Variants in CTNNA3 observed in about 807,000 individuals in gnomAD.
CTNNA3 encodes catenin alpha-3.
In CTNNA3, 76 loss-of-function variants were observed where a neutral mutation model predicts 95.7. The ratio of observed to expected loss-of-function variants is 0.79; its 90% CI spans 0.66 to 0.96. The LOEUF is 0.96. Among genes scored for constraint, CTNNA3 ranks in the 40% least tolerant of loss-of-function variants. CTNNA3 has a pLI of 0.00. For synonymous variants in CTNNA3, 431 were observed against 374.4 expected, an observed-to-expected ratio of 1.15 and a Z score of -1.74; for missense variants, 1,191 against 1,089.8, an observed-to-expected ratio of 1.09 and a Z score of -1.31.
intron 5 of CTNNA3, among the ~76,000 whole-genome samples, chr10:67,366,041 T>C (rs1172401570): frequency 6.7e-6 from 1 of 150,018 alleles, no homozygotes; most frequent in Non-Finnish European, 1.5e-5. Context: ...GAATACTAAG[T>C]TCATGTCCTT....
At chr10:67,286,619 T>C (rs971545936) in intron 5 of CTNNA3, among the ~76,000 whole-genome samples, 1 of 152,208 alleles carries the variant, frequency 6.6e-6, no homozygotes, top group South Asian at 2.1e-4. Context: ...TATTTAAGCA[T>C]CTTTCCATTC....
intron 7 of CTNNA3, among the ~76,000 whole-genome samples, chr10:66,780,341 C>T (rs1360849608): frequency 6.6e-6 from 1 of 151,982 alleles, no homozygotes. Flanking sequence ...GAGAGATGAA[C>T]AGTGTTGAAA....
chr10:67,482,700 A>T (rs1372045563), intron 5 of CTNNA3, among the ~76,000 whole-genome samples: 1 of 152,154 alleles, frequency 6.6e-6, no homozygotes, highest in Non-Finnish European at 1.5e-5. Flanking sequence ...GCAAACAGGG[A>T]CAATTTGACT....
intron 7 of CTNNA3, among the ~76,000 whole-genome samples, chr10:66,846,975 G>C (rs1371657852): frequency 6.6e-6 from 1 of 152,142 alleles, no homozygotes; most frequent in Non-Finnish European, 1.5e-5. Flanking sequence ...ACAAACAACA[G>C]ATTCTTACAG....
At chr10:65,930,199 TAAAAAAA>T (rs71472402) in intron 17 of CTNNA3, among the ~76,000 whole-genome samples, 5 of 60,716 alleles carry the variant, frequency 8.2e-5, no homozygotes, top group African/African-American at 2.3e-4. Context: ...CAGAGCTCAG[TAAAAAAA>T]AAAAAAAAAA....
intron 5 of CTNNA3, among the ~76,000 whole-genome samples, chr10:67,476,755 T>C (rs1180219595): frequency 2.0e-5 from 3 of 150,946 alleles, no homozygotes. Flanking sequence ...CGTGGTATAG[T>C]GGGGCCCTAT....
At chr10:66,563,719 A>G (rs971304140) in intron 10 of CTNNA3, among the ~76,000 whole-genome samples, 1 of 152,072 alleles carries the variant, frequency 6.6e-6, no homozygotes, top group Non-Finnish European at 1.5e-5. Flanking sequence ...CAAAGGACAG[A>G]CAGAACTAAG....
At chr10:66,976,438 C>G (rs1392568573) in intron 7 of CTNNA3, among the ~76,000 whole-genome samples, 2 of 152,094 alleles carry the variant, frequency 1.3e-5, no homozygotes, top group Non-Finnish European at 2.9e-5. Context: ...TTCTCACCAC[C>G]ACTTCTATTC....
chr10:67,541,009 A>G (rs1840668694), intron 3 of CTNNA3, among the ~76,000 whole-genome samples: 1 of 152,052 alleles, frequency 6.6e-6, no homozygotes, highest in Non-Finnish European at 1.5e-5. Flanking sequence ...AAATAAGAGT[A>G]CATAAGTTAT....
intron 7 of CTNNA3, among the ~76,000 whole-genome samples, chr10:66,948,843 T>C (rs547724144): frequency 6.6e-6 from 1 of 152,286 alleles, no homozygotes; most frequent in South Asian, 2.1e-4. Flanking sequence ...CAGTCCAATA[T>C]AATACTTCAG....
At chr10:67,234,875 A>G (rs1276105082) in intron 5 of CTNNA3, among the ~76,000 whole-genome samples, 1 of 146,554 alleles carries the variant, frequency 6.8e-6, no homozygotes, top group Admixed American at 6.7e-5. Context: ...AATAACAGAC[A>G]AACAGAGAGC....
At chr10:65,925,736 T>G (rs1324694016) in intron 17 of CTNNA3, among the ~76,000 whole-genome samples, 2 of 152,114 alleles carry the variant, frequency 1.3e-5, no homozygotes. Context: ...TGCACTTGGC[T>G]CTTCTTGTAA....
intron 7 of CTNNA3, among the ~76,000 whole-genome samples, chr10:66,907,032 T>G (rs1846016453): frequency 6.6e-6 from 1 of 152,134 alleles, no homozygotes; most frequent in Non-Finnish European, 1.5e-5. Context: ...TACAAAAAAA[T>G]CCTACTGAGG....
intron 2 of CTNNA3, among the ~76,000 whole-genome samples, chr10:67,646,879 T>C (rs1007635513): frequency 6.6e-6 from 1 of 152,124 alleles, no homozygotes; most frequent in Non-Finnish European, 1.5e-5. Context: ...AGAGAATCAT[T>C]ATGCATATCA....
intron 11 of CTNNA3, among the ~76,000 whole-genome samples, chr10:66,467,875 T>G (rs866707738): frequency 6.6e-6 from 1 of 152,066 alleles, no homozygotes; most frequent in Non-Finnish European, 1.5e-5. Context: ...ACTACCTCCA[T>G]AGTGGTTGAA....
At chr10:66,185,631 G>T (rs2086295412) in intron 13 of CTNNA3, among the ~76,000 whole-genome samples, 1 of 152,018 alleles carries the variant, frequency 6.6e-6, no homozygotes, top group South Asian at 2.1e-4. Context: ...TACCACATTA[G>T]TGAATCTAAT....
In CTNNA3 at chr10:67,219,799, G is replaced by C; in HGVS notation, c.651C>G (p.Leu217=). ...ARASLKENSP[L]LHSICSACLE... is the part of the protein sequence containing the mutation. ...AACAAGCTGAACAAATTGAATGCAA[G>C]AGGGGAGAGTTCTCCTTCAGTGAAG... is the stretch of plus-strand genomic sequence containing the variant. The change falls in exon 6 of 18, where the codon CTC becomes CTG. Residue 217 remains leucine (L), a synonymous_variant. Transcript: ENST00000433211. 1 of 1,614,082 alleles carries C rather than the reference G, an allele frequency of 6.2e-7. No homozygotes were observed.
intron 12 of CTNNA3, among the ~76,000 whole-genome samples, chr10:66,287,343 T>C (rs1480694598): frequency 1.3e-5 from 2 of 152,252 alleles, no homozygotes; most frequent in South Asian, 2.1e-4. Context: ...CTTTACTGTA[T>C]GTGTTTTCTT....
At chr10:66,592,682 T>C (rs1437356740) in intron 10 of CTNNA3, among the ~76,000 whole-genome samples, 1 of 152,050 alleles carries the variant, frequency 6.6e-6, no homozygotes, top group Admixed American at 6.6e-5. Context: ...TATGTTAGTG[T>C]GGGTTGAAGA....
Sources: gnomAD v4.1 joint callset for allele counts (sites outside exome capture counted in the v4.1 genomes callset) on GRCh38, gnomAD v4.1.1 for gene constraint, MANE v1.5 for transcripts, NCBI Gene and HGNC (gene_info 2026-07-23, HGNC 2026-07-21) for gene names.